Variants in NF1 observed in about 807,000 individuals in gnomAD.
NF1 encodes the protein neurofibromin 1.
In NF1, 122 loss-of-function variants were observed where a neutral mutation model predicts 325.7. That is an observed-to-expected ratio of 0.37 (90% CI 0.32 to 0.44). NF1 has a LOEUF of 0.44. Among genes scored for constraint, NF1 ranks in the 20% least tolerant of loss-of-function variants. NF1 has a pLI of 1.00. For missense variants in NF1, 2,140 were observed against 3,415.4 expected, an observed-to-expected ratio of 0.63 and a Z score of 9.31; for synonymous variants, 1,091 against 1,186.0, an observed-to-expected ratio of 0.92 and a Z score of 1.65.
In NF1 at chr17:31,337,405, G is replaced by A. The variant is rs1394945517; in HGVS notation, c.6465G>A (p.Glu2155=). Reference sequence around the variant, plus strand: ...AAGTTTTGAGACTCAGTCTGACAGAGTTCTCATTACCCAAATTTTACTTGC... The same window carrying A: ...AAGTTTTGAGACTCAGTCTGACAGAATTCTCATTACCCAAATTTTACTTGC... ...TKQVLRLSLT[E]FSLPKFYLLF... is the part of the protein sequence containing the mutation. Residue 2155 remains glutamate, a synonymous_variant, in exon 43 of 58, where the codon GAG becomes GAA. Transcript: ENST00000358273. 1 of 1,614,130 alleles carries A rather than the reference G, an allele frequency of 6.2e-7. No homozygotes were observed. Among genetic ancestry groups the A allele is most frequent in the Non-Finnish European group, 8.5e-7 (1 of 1,179,986 alleles).
At chr17:31,243,215 G>GTGTGTGTGTGTGTGTGTGTGTGTGTGT (rs1567855897) in intron 29 of NF1, among the ~76,000 whole-genome samples, 5 of 61,036 alleles carry the variant, frequency 8.2e-5, no homozygotes, top group African/African-American at 7.1e-4. Context: ...TGTGTGTGTT[G>GTGTGTGTGTGTGTGTGTGTGTGTGTGT]AGCTGCCTGG....
chr17:31,155,910 A>G (rs1188927762), intron 1 of NF1, 73 bp from the exon 2 acceptor site: 3 of 1,536,060 alleles, frequency 2.0e-6, no homozygotes, highest in Admixed American at 2.0e-5. Context: ...ATGATTTTCA[A>G]TGGCAAGTAA....
rs1328592308 is a variant in NF1, at chr17:31,235,747, G to A, written c.3845G>A (p.Ser1282Asn). 6.2e-7 allele frequency: 1 copy of A among 1,614,124 alleles called. No individual in the cohort carries two copies. The highest frequency in any genetic ancestry group is 8.5e-7 in the Non-Finnish European group (1 of 1,180,014). ...QTLFRGNSLASKIMTFCFKVY... is the reference protein window; with the variant it reads ...QTLFRGNSLANKIMTFCFKVY... Reference sequence around the variant, plus strand: ...CTCTTCCGAGGCAACAGCTTGGCCAGTAAAATAATGACATTCTGTTTCAAG... The same window carrying A: ...CTCTTCCGAGGCAACAGCTTGGCCAATAAAATAATGACATTCTGTTTCAAG... Residue 1282 changes from serine to asparagine, a missense_variant, in exon 28 of 58, where the codon AGT (serine) becomes AAT (asparagine). This residue lies in a region of NF1 where 336 missense variants were observed against 399.0 expected (regional missense o/e 0.84). Transcript: ENST00000358273.
At chr17:31,212,851 A>G (rs1209151134) in intron 12 of NF1, among the ~76,000 whole-genome samples, 2 of 152,224 alleles carry the variant, frequency 1.3e-5, no homozygotes, top group Non-Finnish European at 2.9e-5. Context: ...CAGCATCACT[A>G]CAAACAATAA....
chr17:31,140,732 ATGTG>A (rs1916147263), intron 1 of NF1, among the ~76,000 whole-genome samples: 2 of 152,308 alleles, frequency 1.3e-5, no homozygotes, highest in African/African-American at 4.8e-5. Context: ...GATAAAGAAA[ATGTG>A]TGTGTATGTG....
At chr17:31,115,873 G>A (rs188242904) in intron 1 of NF1, among the ~76,000 whole-genome samples, 4 of 152,266 alleles carry the variant, frequency 2.6e-5, no homozygotes, top group Admixed American at 2.6e-4. Context: ...TCCCCTCCAT[G>A]TATGTAGAGT....
chr17:31,293,969 A>C (rs2068406208), intron 36 of NF1, among the ~76,000 whole-genome samples: 2 of 152,204 alleles, frequency 1.3e-5, no homozygotes, highest in South Asian at 4.1e-4. Context: ...TCTCTGTCCC[A>C]TGCCTAGCCT....
chr17:31,102,026 A>T (rs189751093), intron 1 of NF1, among the ~76,000 whole-genome samples: 2 of 152,348 alleles, frequency 1.3e-5, no homozygotes, highest in Non-Finnish European at 2.9e-5. Context: ...GACTGGCTAA[A>T]TAAAAAAAGT....
intron 47 of NF1, among the ~76,000 whole-genome samples, chr17:31,341,532 G>A (rs1047626464): frequency 6.6e-6 from 1 of 151,734 alleles, no homozygotes; most frequent in Non-Finnish European, 1.5e-5. Flanking sequence ...CCAAAAAAAA[G>A]TGTGTATACA....
intron 1 of NF1, among the ~76,000 whole-genome samples, chr17:31,135,167 G>A (rs1915672683): frequency 6.6e-6 from 1 of 152,184 alleles, no homozygotes; most frequent in African/African-American, 2.4e-5. Context: ...AGAAAGGTAA[G>A]TTAGGAAATC....
At chr17:31,110,084 A>G (rs1474950144) in intron 1 of NF1, among the ~76,000 whole-genome samples, 1 of 152,188 alleles carries the variant, frequency 6.6e-6, no homozygotes, top group African/African-American at 2.4e-5. Context: ...TGTGATTTCT[A>G]GAGGTCCCAG....
intron 15 of NF1, 102 bp from the exon 16 acceptor site, chr17:31,223,342 C>A: frequency 7.1e-7 from 1 of 1,403,056 alleles, no homozygotes; most frequent in South Asian, 1.2e-5. Context: ...CTAAGCTTCT[C>A]TAAACTTGTA....
chr17:31,345,687 T>C, intron 48 of NF1: 2 of 1,614,202 alleles, frequency 1.2e-6, no homozygotes, highest in Non-Finnish European at 1.7e-6. Context: ...GGCAAAGCAG[T>C]ATATAGAGAA....
In NF1 at chr17:31,352,407, G is replaced by A. The variant is rs1597862283; in HGVS notation, c.7608G>A (p.Lys2536=). The A allele has an allele frequency of 1.9e-6, 3 of 1,609,800 alleles. No individual in the cohort carries two copies. Among genetic ancestry groups the A allele is most frequent in the Non-Finnish European group, 2.5e-6 (3 of 1,178,072 alleles). Residue 2536 remains lysine, a synonymous_variant, in exon 51 of 58, where the codon AAG becomes AAA. Coordinates refer to ENST00000358273, the MANE Select transcript of NF1 (RefSeq NM_001042492.3). ...AACCTTCTCAGGCCAACACTAAGAAGTTGCTTGGTTAGTTTATCTAAATTA... is the reference window on the plus strand; with the variant it reads ...AACCTTCTCAGGCCAACACTAAGAAATTGCTTGGTTAGTTTATCTAAATTA... ...MGQPSQANTK[K]LLGTRKSFDH...
At chr17:31,296,122 C>G in intron 36 of NF1, 1 of 1,610,932 alleles carries the variant, frequency 6.2e-7, no homozygotes, top group Non-Finnish European at 8.5e-7. Context: ...ACTGGTTATG[C>G]AGATCAGTAA....
chr17:31,144,295 GAGT>G (rs1916436277), intron 1 of NF1, among the ~76,000 whole-genome samples: 1 of 152,188 alleles, frequency 6.6e-6, no homozygotes, highest in African/African-American at 2.4e-5. Context: ...ATCCTCTCTT[GAGT>G]AAGACTGTTT....
In NF1 at chr17:31,288,639, C is replaced by T. The variant is rs139170239; in HGVS notation, c.4835+23300C>T. Among the ~76,000 whole-genome samples, 1,068 of 151,118 alleles carry T rather than the reference C, an allele frequency of 7.1e-3. 9 individuals are homozygous for T. Among genetic ancestry groups the T allele is most frequent in the Middle Eastern group, 0.024 (7 of 290 alleles). On this transcript the variant is annotated intron_variant, in intron 36 of 57. Transcript: ENST00000358273. ...GCAACCTCCGCCTCCCGGGTTCAAG[C>T]GATCCTCCTGCCTCAGTCTCCTGAG...
intron 1 of NF1, among the ~76,000 whole-genome samples, chr17:31,152,169 A>AT (rs1916990383): frequency 1.0e-5 from 1 of 96,926 alleles, no homozygotes; most frequent in Admixed American, 1.0e-4. Flanking sequence ...TGAGAGTCTA[A>AT]TTTTTGGGTT....
chr17:31,274,567 G>A (rs1415815630), intron 36 of NF1, among the ~76,000 whole-genome samples: 1 of 151,858 alleles, frequency 6.6e-6, no homozygotes, highest in Non-Finnish European at 1.5e-5. Context: ...TTAACTGGAG[G>A]TTAATGTGGT....
Sources: gnomAD v4.1 joint callset for allele counts (sites outside exome capture counted in the v4.1 genomes callset) on GRCh38, gnomAD v4.1.1 for gene constraint, gnomAD v4.1.1 regional missense constraint, MANE v1.5 for transcripts, NCBI Gene and HGNC (gene_info 2026-07-23, HGNC 2026-07-21) for gene names.